Variants in HSF2 observed in about 807,000 individuals in gnomAD.
The protein encoded by HSF2 is heat shock factor protein 2.
Under a neutral mutation model 65.0 loss-of-function variants are expected in HSF2, and 21 were observed. That is an observed-to-expected ratio of 0.32 (90% CI 0.23 to 0.47). HSF2 has a LOEUF of 0.47. Ranked by LOEUF, HSF2 falls within the 20% of genes least tolerant of loss-of-function variation. The pLI is 1.00. For synonymous variants in HSF2, 225 were observed against 219.1 expected, an observed-to-expected ratio of 1.03 and a Z score of -0.24; for missense variants, 499 against 628.1, an observed-to-expected ratio of 0.79 and a Z score of 2.20.
chr6:122,430,474 GTAT>G (rs537098078), intron 11 of HSF2, among the ~76,000 whole-genome samples: 34 of 152,078 alleles, frequency 2.2e-4, no homozygotes, highest in African/African-American at 7.7e-4. Flanking sequence ...AATAAAGATG[GTAT>G]TATTTCATTA....
intron 6 of HSF2, among the ~76,000 whole-genome samples, chr6:122,419,750 G>C (rs944339864): frequency 6.6e-6 from 1 of 152,120 alleles, no homozygotes; most frequent in Admixed American, 6.6e-5. Flanking sequence ...GTAACACTAA[G>C]ATTTGGGAAA....
intron 11 of HSF2, 56 bp downstream of exon 11, chr6:122,428,012 T>C (rs975742917): frequency 2.7e-6 from 3 of 1,102,240 alleles, no homozygotes; most frequent in Non-Finnish European, 4.0e-6. Context: ...TACAAAAACG[T>C]CCTAATAAGT....
At chr6:122,399,899 T>TGGTCTCTCGCGGCCTTGCGGCTC in intron 1 of HSF2, 69 bp downstream of exon 1, 1 of 1,232,514 alleles carries the variant, frequency 8.1e-7, no homozygotes, top group Admixed American at 1.8e-5. Context: ...TCCTGCGGGG[T>TGGTCTCTCGCGGCCTTGCGGCTC]GGTCTCTCGC....
rs201316705 is a variant in HSF2 at position 122,416,236 on chromosome 6, T to C, written c.471T>C (p.Leu157=). 2 of 1,606,906 alleles carry C rather than the reference T, an allele frequency of 1.2e-6. No individual in the cohort carries two copies. Among genetic ancestry groups the C allele is most frequent in the African/African-American group, 1.3e-5 (1 of 74,888 alleles). The change falls in exon 5 of 13, where the codon CTT becomes CTC. Residue 157 remains leucine, a synonymous_variant. Coordinates refer to ENST00000368455, the MANE Select transcript of HSF2 (RefSeq NM_004506.4). ...TATAACATAGTGAGAATGAGTCCCTTTGGAAGGAGGTGTCAGAATTACGAG... is the reference window on the plus strand; with the variant it reads ...TATAACATAGTGAGAATGAGTCCCTCTGGAAGGAGGTGTCAGAATTACGAG... ...LSELKSENES[L]WKEVSELRAK... is the part of the protein sequence containing the mutation.
At position 122,422,028 on chromosome 6, in the gene HSF2, C is replaced by T. The variant is rs2114447346; in HGVS notation, c.682-122C>T. On this transcript the variant is annotated intron_variant, in intron 7 of 12. Coordinates refer to ENST00000368455, the MANE Select transcript of HSF2 (RefSeq NM_004506.4). Reference sequence around the variant, plus strand: ...GTAAGTTCCGTAAGAGCAGAGAACACACCTGTTTTGCATACCCCGAGATTC... The same window carrying T: ...GTAAGTTCCGTAAGAGCAGAGAACATACCTGTTTTGCATACCCCGAGATTC... The T allele has an allele frequency of 3.0e-6, 2 of 656,960 alleles. 1 individual carries two copies. Among genetic ancestry groups the T allele is most frequent in the South Asian group, 3.8e-5 (2 of 52,196 alleles). 40.7% of individuals were successfully genotyped at this position (656,960 alleles called of 1,614,324 possible). A position where few individuals can be genotyped will look rare whatever the true frequency, so the allele number is the denominator to read the frequency against.
chr6:122,409,181 G>A (rs1434218638), intron 1 of HSF2, among the ~76,000 whole-genome samples: 1 of 151,976 alleles, frequency 6.6e-6, no homozygotes, highest in Non-Finnish European at 1.5e-5. Context: ...TATTTGATAG[G>A]TGGAAGAAAA....
chr6:122,419,553 T>C (rs1774191494), intron 6 of HSF2, among the ~76,000 whole-genome samples: 1 of 152,066 alleles, frequency 6.6e-6, no homozygotes, highest in Non-Finnish European at 1.5e-5. Flanking sequence ...AAAGAGGCCA[T>C]ATGTTAAAAA....
intron 10 of HSF2, among the ~76,000 whole-genome samples, chr6:122,425,751 G>C (rs505749): frequency 7.2e-5 from 11 of 151,820 alleles, no homozygotes; most frequent in South Asian, 2.1e-4. Flanking sequence ...TACTTTTTCT[G>C]TCTCTCTTCT....
At chr6:122,408,919 A>T (rs1773925652) in intron 1 of HSF2, among the ~76,000 whole-genome samples, 1 of 151,488 alleles carries the variant, frequency 6.6e-6, no homozygotes, top group Non-Finnish European at 1.5e-5. Flanking sequence ...AGAATGGAAG[A>T]CACAAGAAAA....
chr6:122,428,523 G>C (rs2114455398), intron 11 of HSF2, among the ~76,000 whole-genome samples: 1 of 152,040 alleles, frequency 6.6e-6, no homozygotes, highest in East Asian at 1.9e-4. Flanking sequence ...TTTTTAATGA[G>C]TAGTAAGGAC....
intron 1 of HSF2, among the ~76,000 whole-genome samples, chr6:122,405,743 CTATT>C (rs1301193096): frequency 6.6e-6 from 1 of 152,184 alleles, no homozygotes; most frequent in Non-Finnish European, 1.5e-5. Flanking sequence ...TATGCCCAAT[CTATT>C]TACATATTGT....
rs1312267036 is a variant in HSF2, at chr6:122,432,689, T to C, written c.*469T>C. On this transcript the variant is annotated 3_prime_UTR_variant, in exon 13 of 13. Transcript: ENST00000368455. Reference sequence around the variant, plus strand: ...TTTAAAACTGGGAACATAAAGTGCCTGTATCTTGTAAAACTTCATTTGTTT... The same window carrying C: ...TTTAAAACTGGGAACATAAAGTGCCCGTATCTTGTAAAACTTCATTTGTTT... 6.5e-6 allele frequency: 1 copy of C among 154,392 alleles called. No homozygotes were observed. Among genetic ancestry groups the C allele is most frequent in the Non-Finnish European group, 1.4e-5 (1 of 69,550 alleles). The allele number at this position is 154,392 out of a possible 1,614,324, so 9.6% of individuals were successfully genotyped here.
intron 10 of HSF2, among the ~76,000 whole-genome samples, chr6:122,425,407 C>G (rs941417243): frequency 6.6e-6 from 1 of 151,924 alleles, no homozygotes; most frequent in African/African-American, 2.4e-5. Flanking sequence ...TTGAATCAGA[C>G]AAATTTGGGT....
intron 11 of HSF2, among the ~76,000 whole-genome samples, chr6:122,430,969 A>C (rs527410499): frequency 6.6e-6 from 1 of 152,288 alleles, no homozygotes; most frequent in East Asian, 1.9e-4. Flanking sequence ...TCATTATGTC[A>C]TCCTGAGCTA....
chr6:122,431,292 A>G (rs1774459873), intron 11 of HSF2, 138 bp from the exon 12 acceptor site: 1 of 371,292 alleles, frequency 2.7e-6, no homozygotes, highest in East Asian at 4.4e-5. Context: ...CTCTCTCTGT[A>G]GCCCATTTTC....
At chr6:122,400,072 G>A (rs933581104) in intron 1 of HSF2, among the ~76,000 whole-genome samples, 5 of 152,100 alleles carry the variant, frequency 3.3e-5, no homozygotes, top group African/African-American at 1.2e-4. Context: ...CGCGCGGGGC[G>A]TAGCGGCCCA....
In HSF2 at chr6:122,423,565, A is replaced by ATT; in HGVS notation, c.1071-8_1071-7dup. The ATT allele has an allele frequency of 7.0e-7, 1 of 1,433,286 alleles. No homozygotes were observed. Among genetic ancestry groups the ATT allele is most frequent in the Non-Finnish European group, 9.5e-7 (1 of 1,047,310 alleles). The allele number at this position is 1,433,286 out of a possible 1,614,324, so 88.8% of individuals were successfully genotyped here. A position where few individuals can be genotyped will look rare whatever the true frequency, so the allele number is the denominator to read the frequency against. On this transcript the variant is annotated splice_polypyrimidine_tract_variant and intron_variant, in intron 9 of 12. Coordinates refer to ENST00000368455, the MANE Select transcript of HSF2 (RefSeq NM_004506.4). ...GGATATCTAATATTTGATTAAAAAA[A>ATT]TTTTTTTTTCCTTAGGGTTGAGCTG... is the stretch of plus-strand genomic sequence containing the variant.
intron 1 of HSF2, among the ~76,000 whole-genome samples, chr6:122,404,598 A>AAG (rs3839526): frequency 3.9e-5 from 6 of 151,984 alleles, no homozygotes; most frequent in Admixed American, 3.9e-4. Context: ...GAGTGCCAAA[A>AAG]TTAATTTGGA....
chr6:122,401,164 G>A (rs1331854536), intron 1 of HSF2, among the ~76,000 whole-genome samples: 1 of 152,152 alleles, frequency 6.6e-6, no homozygotes, highest in Non-Finnish European at 1.5e-5. Context: ...GTTGAGTAGG[G>A]GGGCGTGAGT....
Sources: gnomAD v4.1 joint callset for allele counts (sites outside exome capture counted in the v4.1 genomes callset) on GRCh38, gnomAD v4.1.1 for gene constraint, MANE v1.5 for transcripts, NCBI Gene and HGNC (gene_info 2026-07-23, HGNC 2026-07-21) for gene names.